Variants in LINGO2 observed in about 807,000 individuals in gnomAD.
LINGO2 encodes the protein leucine-rich repeat and immunoglobulin-like domain-containing nogo receptor-interacting protein 2.
A neutral mutation model predicts 30.6 loss-of-function variants in LINGO2; 14 were observed. The observed-to-expected ratio is 0.46, with a 90% CI of 0.30 to 0.72. The LOEUF is 0.72. Among genes scored for constraint, LINGO2 ranks in the 30% least tolerant of loss-of-function variants. The pLI is 0.07. For missense variants in LINGO2, 729 were observed against 751.7 expected (o/e 0.97, Z 0.35); for synonymous variants, 317 against 288.5 (o/e 1.10, Z -1.00).
the LINGO2 span, among the ~76,000 whole-genome samples, chr9:29,210,873 T>C: frequency 1.3e-5 from 2 of 152,196 alleles, no homozygotes; most frequent in Non-Finnish European, 2.9e-5. Flanking sequence ...TTTTTTTTTC[T>C]TCCTCACACT....
chr9:28,773,083 C>T, the LINGO2 span, among the ~76,000 whole-genome samples: 34 of 152,114 alleles, frequency 2.2e-4, no homozygotes, highest in Admixed American at 5.9e-4. Context: ...GACCTACATA[C>T]GGCCGGGCGC....
In LINGO2 at chr9:28,030,898, C is replaced by T. The variant is rs183415708; in HGVS notation, c.-86-18493G>A. 5.9e-5 allele frequency among the ~76,000 whole-genome samples: 9 copies of T among 152,222 alleles called. No homozygotes were observed. The South Asian group carries it at 6.2e-4, about 11-fold the overall frequency. ...AAGTCATTTAAGTAAATCCTGTATT[C>T]GCTTGCATACCATTGACAAATTGCT... On this transcript the variant is annotated intron_variant, in intron 4 of 5. Coordinates refer to ENST00000379992, the Ensembl canonical transcript of LINGO2.
At chr9:29,013,376 A>G in the LINGO2 span, among the ~76,000 whole-genome samples, 843 of 121,676 alleles carry the variant, frequency 6.9e-3, 10 homozygotes, top group African/African-American at 0.022. Flanking sequence ...ATCTAATTTA[A>G]TATTTTATTA....
the LINGO2 span, among the ~76,000 whole-genome samples, chr9:28,964,108 G>T: frequency 2.7e-5 from 4 of 150,124 alleles, no homozygotes; most frequent in African/African-American, 1.0e-4. Context: ...ACACACACAC[G>T]CATATATATA....
At position 28,500,407 on chromosome 9, in the gene LINGO2, C is replaced by T. The variant is rs550123253; in HGVS notation, c.-364-24382G>A. Among the ~76,000 whole-genome samples the T allele has an allele frequency of 3.0e-4, 45 of 152,206 alleles. No individual in the cohort carries two copies. The South Asian group carries it at 6.2e-3, about 21-fold the overall frequency. On this transcript the variant is annotated intron_variant, in intron 1 of 5. Transcript: ENST00000379992. The stretch of plus-strand genomic sequence containing the variant: ...GAGGCAAACAAACAGCATTAATATT[C>T]ACTAGAATTCTCAAAGATTAAAGGT...
intron 5 of LINGO2, among the ~76,000 whole-genome samples, chr9:27,998,064 C>A (rs1168804472): frequency 1.3e-5 from 2 of 152,128 alleles, no homozygotes; most frequent in Admixed American, 1.3e-4. Context: ...TAGCTTGTCT[C>A]CAAGATAACG....
At chr9:28,646,103 T>C (rs1827827241) in intron 1 of LINGO2, among the ~76,000 whole-genome samples, 2 of 152,140 alleles carry the variant, frequency 1.3e-5, no homozygotes, top group Admixed American at 1.3e-4. Context: ...AAGTGGGTAT[T>C]TCATAATTCT....
At chr9:28,579,255 C>A (rs1339467094) in intron 1 of LINGO2, among the ~76,000 whole-genome samples, 1 of 152,004 alleles carries the variant, frequency 6.6e-6, no homozygotes, top group African/African-American at 2.4e-5. Context: ...GAGGCTTTCA[C>A]TATTGTCCTT....
chr9:28,183,427 T>G (rs1364729772), intron 4 of LINGO2, among the ~76,000 whole-genome samples: 1 of 152,162 alleles, frequency 6.6e-6, no homozygotes, highest in Admixed American at 6.5e-5. Context: ...AATTAATTTT[T>G]TTTTAAGAAA....
At chr9:28,338,633 G>A (rs575238943) in intron 3 of LINGO2, among the ~76,000 whole-genome samples, 4 of 152,136 alleles carry the variant, frequency 2.6e-5, no homozygotes, top group Admixed American at 2.0e-4. Flanking sequence ...TTAGTCATGG[G>A]GGCATTACCC....
At chr9:28,256,161 C>A (rs1822376575) in intron 4 of LINGO2, among the ~76,000 whole-genome samples, 2 of 151,974 alleles carry the variant, frequency 1.3e-5, no homozygotes, top group Admixed American at 1.3e-4. Flanking sequence ...GAATTCTTGG[C>A]ATTTATTTTG....
At chr9:29,203,363 G>C in the LINGO2 span, among the ~76,000 whole-genome samples, 2 of 152,184 alleles carry the variant, frequency 1.3e-5, no homozygotes, top group Non-Finnish European at 2.9e-5. Flanking sequence ...TGTTTTGCAA[G>C]GAATGTATCT....
the LINGO2 span, among the ~76,000 whole-genome samples, chr9:29,079,994 T>C: frequency 5.8e-3 from 885 of 152,162 alleles, 8 homozygotes; most frequent in African/African-American, 0.021. Flanking sequence ...GACAGGAAAA[T>C]GTAAGAAACT....
intron 4 of LINGO2, among the ~76,000 whole-genome samples, chr9:28,030,977 TGAGA>T (rs762846231): frequency 3.9e-5 from 6 of 152,090 alleles, no homozygotes; most frequent in African/African-American, 4.8e-5. Context: ...AAGAGATAGA[TGAGA>T]GAGAGAGATT....
At chr9:29,129,392 T>TA in the LINGO2 span, among the ~76,000 whole-genome samples, 1 of 152,154 alleles carries the variant, frequency 6.6e-6, no homozygotes, top group Non-Finnish European at 1.5e-5. Context: ...TTTTGTAATT[T>TA]AAAATCTTAA....
chr9:28,724,319 G>C, the LINGO2 span, among the ~76,000 whole-genome samples: 1 of 152,074 alleles, frequency 6.6e-6, no homozygotes, highest in Admixed American at 6.6e-5. Flanking sequence ...ATAAGGAAGG[G>C]GAAGACTCAG....
chr9:28,766,704 C>T, the LINGO2 span, among the ~76,000 whole-genome samples: 2 of 151,242 alleles, frequency 1.3e-5, no homozygotes, highest in Non-Finnish European at 2.9e-5. Flanking sequence ...TGGATCAATA[C>T]ACTGTGGTAT....
At chr9:28,005,954 A>G (rs1008844974) in intron 5 of LINGO2, among the ~76,000 whole-genome samples, 5 of 152,106 alleles carry the variant, frequency 3.3e-5, no homozygotes, top group East Asian at 1.9e-4. Context: ...CTTTCTGTCT[A>G]TCTTCCTAAA....
intron 1 of LINGO2, among the ~76,000 whole-genome samples, chr9:28,623,884 T>C (rs1187634768): frequency 6.6e-6 from 1 of 152,098 alleles, no homozygotes. Context: ...CAGTGTTTTA[T>C]AGTTTTCATT....
Sources: gnomAD v4.1 joint callset for allele counts (sites outside exome capture counted in the v4.1 genomes callset) on GRCh38, gnomAD v4.1.1 for gene constraint, MANE v1.5 for transcripts, NCBI Gene and HGNC (gene_info 2026-07-23, HGNC 2026-07-21) for gene names.